Variants in WWOX observed in about 807,000 individuals in gnomAD.
WWOX encodes the protein WW domain-containing oxidoreductase.
A neutral mutation model predicts 46.2 loss-of-function variants in WWOX; 69 were observed. The ratio of observed to expected loss-of-function variants is 1.49; its 90% CI spans 1.23 to 1.82. The LOEUF (loss-of-function observed/expected upper bound fraction) is 1.82, where lower values mean the gene tolerates loss of function less well. Among genes scored for constraint, WWOX ranks in the 40% most tolerant of loss-of-function variants. The probability of loss-of-function intolerance (pLI) is 0.00; values close to 1 mark genes in which losing one functional copy is unlikely to be tolerated. For missense variants in WWOX, 919 were observed against 542.6 expected, an observed-to-expected ratio of 1.69 and a Z score of -6.89; for synonymous variants, 359 against 202.6, an observed-to-expected ratio of 1.77 and a Z score of -6.56.
At chr16:78,175,525 A>G (rs1457541005) in intron 5 of WWOX, among the ~76,000 whole-genome samples, 2 of 151,896 alleles carry the variant, frequency 1.3e-5, no homozygotes, top group Non-Finnish European at 2.9e-5. Flanking sequence ...CTCTTGGATC[A>G]CTCACCAGCC....
intron 8 of WWOX, among the ~76,000 whole-genome samples, chr16:78,518,243 G>C (rs2043279492): frequency 6.6e-6 from 1 of 151,944 alleles, no homozygotes; most frequent in Non-Finnish European, 1.5e-5. Flanking sequence ...TTGTTTGTTT[G>C]TTTTTTGAGA....
rs140967314 is a variant in WWOX, at chr16:78,432,196, C to T, written c.792-292C>T. On this transcript the variant is annotated intron_variant, in intron 7 of 8. Coordinates refer to ENST00000566780, the MANE Select transcript of WWOX (RefSeq NM_016373.4). The stretch of plus-strand genomic sequence containing the variant: ...GCAGTGGCACAATCTTTGCTCACTG[C>T]AACCTCTGCCTCCCATGTTTCAGTG... 3.0e-3 allele frequency among the ~76,000 whole-genome samples: 450 copies of T among 151,800 alleles called. 1 individual carries two copies. The highest frequency in any genetic ancestry group is 5.2e-3 in the Non-Finnish European group (353 of 67,980).
chr16:78,773,418 G>T (rs567537828), intron 8 of WWOX, among the ~76,000 whole-genome samples: 5 of 152,192 alleles, frequency 3.3e-5, no homozygotes, highest in Admixed American at 6.5e-5. Context: ...TGGCTGCAGA[G>T]CGCAGACATT....
rs192154718 is a variant in WWOX at position 79,098,695 on chromosome 16, G to A, written c.1057-112913G>A. On this transcript the variant is annotated intron_variant, in intron 8 of 8. Coordinates refer to ENST00000566780, the MANE Select transcript of WWOX (RefSeq NM_016373.4). ...GAAGAAGGAATTGCACACAATACAT[G>A]TCTACTAGGCAGGTCAACATAAATG... 2.6e-5 allele frequency among the ~76,000 whole-genome samples: 4 copies of A among 152,282 alleles called. No individual in the cohort carries two copies. In the East Asian group the frequency reaches 7.7e-4, roughly 29 times the overall value.
At chr16:78,364,942 C>G (rs890259872) in intron 5 of WWOX, among the ~76,000 whole-genome samples, 3 of 151,882 alleles carry the variant, frequency 2.0e-5, no homozygotes, top group Non-Finnish European at 4.4e-5. Flanking sequence ...CAAAGATGTT[C>G]CTGGTCCCCA....
intron 8 of WWOX, among the ~76,000 whole-genome samples, chr16:78,497,850 T>A (rs1002757601): frequency 1.4e-5 from 1 of 73,908 alleles, no homozygotes; most frequent in Non-Finnish European, 3.9e-5. Context: ...CCGGAGTTAC[T>A]GAGAATTATA....
chr16:78,179,928 G>A (rs2035475470), intron 5 of WWOX: 1 of 152,232 alleles, frequency 6.6e-6, no homozygotes, highest in Admixed American at 6.5e-5. Context: ...CTGAGCCATG[G>A]GAGTTATAAC....
At chr16:78,730,527 C>G (rs909484491) in intron 8 of WWOX, among the ~76,000 whole-genome samples, 4 of 151,956 alleles carry the variant, frequency 2.6e-5, no homozygotes, top group African/African-American at 4.8e-5. Flanking sequence ...TCTGAGCTCA[C>G]TGCAGCCTCA....
chr16:78,710,433 AT>A (rs982928450), intron 8 of WWOX, among the ~76,000 whole-genome samples: 1 of 134,414 alleles, frequency 7.4e-6, no homozygotes, highest in Admixed American at 8.3e-5. Flanking sequence ...GGATGCAAGA[AT>A]TTATCCCTTC....
At chr16:78,128,638 G>A (rs1422460751) in intron 4 of WWOX, among the ~76,000 whole-genome samples, 1 of 152,184 alleles carries the variant, frequency 6.6e-6, no homozygotes, top group African/African-American at 2.4e-5. Context: ...GCCACATCTT[G>A]ATTATAGAAA....
At chr16:78,997,241 G>C (rs758047794) in intron 8 of WWOX, among the ~76,000 whole-genome samples, 26 of 152,100 alleles carry the variant, frequency 1.7e-4, no homozygotes, top group Non-Finnish European at 3.1e-4. Flanking sequence ...AATTTTAAGT[G>C]ATGCCAAAAT....
chr16:78,938,995 C>A (rs1052991474), intron 8 of WWOX, among the ~76,000 whole-genome samples: 1 of 152,104 alleles, frequency 6.6e-6, no homozygotes, highest in Non-Finnish European at 1.5e-5. Flanking sequence ...AGATTGAAAT[C>A]TGATGTGGAT....
intron 8 of WWOX, among the ~76,000 whole-genome samples, chr16:79,193,760 A>G (rs927759122): frequency 6.6e-5 from 10 of 152,192 alleles, no homozygotes; most frequent in Non-Finnish European, 1.3e-4. Flanking sequence ...ATACCTGAAG[A>G]TTGCAAAGCC....
chr16:78,183,544 A>C (rs748196201), intron 5 of WWOX, among the ~76,000 whole-genome samples: 6 of 152,160 alleles, frequency 3.9e-5, no homozygotes, highest in African/African-American at 1.2e-4. Flanking sequence ...ATGCCTCTCT[A>C]TCTTCCTACA....
chr16:78,907,624 C>A (rs576587792), intron 8 of WWOX, among the ~76,000 whole-genome samples: 23 of 152,308 alleles, frequency 1.5e-4, no homozygotes, highest in African/African-American at 4.6e-4. Flanking sequence ...TAGATCAGAT[C>A]TCTTTCACGG....
At chr16:78,604,170 T>G (rs2045689373) in intron 8 of WWOX, among the ~76,000 whole-genome samples, 1 of 152,104 alleles carries the variant, frequency 6.6e-6, no homozygotes, top group Non-Finnish European at 1.5e-5. Context: ...AATTAGAATC[T>G]GAATTTTGAA....
intron 4 of WWOX, among the ~76,000 whole-genome samples, chr16:78,156,114 G>A (rs2034588111): frequency 6.6e-6 from 1 of 152,188 alleles, no homozygotes; most frequent in Non-Finnish European, 1.5e-5. Context: ...GAACCAGAGT[G>A]TAATTTCACA....
chr16:78,941,484 A>C (rs1358265933), intron 8 of WWOX, among the ~76,000 whole-genome samples: 1 of 150,594 alleles, frequency 6.6e-6, no homozygotes, highest in Non-Finnish European at 1.5e-5. Context: ...TTGTCAGTAG[A>C]GGGTGAAAAC....
At chr16:79,092,808 C>T (rs1017690637) in intron 8 of WWOX, among the ~76,000 whole-genome samples, 1 of 152,034 alleles carries the variant, frequency 6.6e-6, no homozygotes, top group African/African-American at 2.4e-5. Context: ...CCTTCATAAA[C>T]CCTAGGCCAT....
Sources: allele counts gnomAD v4.1 joint callset (sites outside exome capture counted in the v4.1 genomes callset), GRCh38; gene constraint gnomAD v4.1.1; transcripts MANE v1.5; gene names NCBI Gene and HGNC (gene_info 2026-07-23, HGNC 2026-07-21).